NDRG1: variants seen among roughly 807,000 people sequenced by gnomAD.
The protein encoded by NDRG1 is N-myc downstream regulated 1.
In NDRG1, 32 loss-of-function variants were observed where a neutral mutation model predicts 56.9. That is an observed-to-expected ratio of 0.56 (90% CI 0.42 to 0.76). The LOEUF (loss-of-function observed/expected upper bound fraction) is 0.76. NDRG1 is among the 30% of genes least tolerant of loss of function. The pLI is 0.00. For missense variants in NDRG1, 507 were observed against 545.7 expected (o/e 0.93, Z 0.71); for synonymous variants, 211 against 204.1 (o/e 1.03, Z -0.29).
intron 1 of NDRG1, among the ~76,000 whole-genome samples, chr8:133,292,039 T>A (rs1251707113): frequency 6.6e-6 from 1 of 152,038 alleles, no homozygotes; most frequent in Non-Finnish European, 1.5e-5. Flanking sequence ...TCAGTGGAGT[T>A]TTGGCAGCAC....
At chr8:133,250,071 C>T (rs1163522744) in intron 10 of NDRG1, among the ~76,000 whole-genome samples, 1 of 152,238 alleles carries the variant, frequency 6.6e-6, no homozygotes, top group Non-Finnish European at 1.5e-5. Context: ...TGGATTATCC[C>T]CGGCCTCCAG....
At chr8:133,245,896 C>A (rs1308661724) in intron 13 of NDRG1, among the ~76,000 whole-genome samples, 1 of 152,196 alleles carries the variant, frequency 6.6e-6, no homozygotes, top group East Asian at 1.9e-4. Flanking sequence ...GTATCGGACA[C>A]CCCCTACATG....
chr8:133,262,284 C>T, intron 4 of NDRG1, 117 bp from the exon 5 acceptor site: 15 of 1,323,352 alleles, frequency 1.1e-5, no homozygotes, highest in African/African-American at 1.5e-5. Flanking sequence ...AGGAAGTGAA[C>T]TTAGAAGAAC....
At chr8:133,271,006 C>T (rs570229697) in intron 3 of NDRG1, among the ~76,000 whole-genome samples, 1 of 152,272 alleles carries the variant, frequency 6.6e-6, no homozygotes, top group Admixed American at 6.5e-5. Flanking sequence ...TATGGACAAC[C>T]GCTCCAGAGA....
At position 133,237,620 on chromosome 8, in the gene NDRG1, G is replaced by A. The variant is rs1465316025; in HGVS notation, c.*1258C>T. ...GCAGGAAAAGAGGAAGCAGGAGAGG[G>A]AAGGAAAGTCCCATGGAATATGTAT... On this transcript the variant is annotated 3_prime_UTR_variant, in exon 16 of 16. Transcript: ENST00000323851. 4.3e-6 allele frequency: 1 copy of A among 233,086 alleles called. No homozygotes were observed. The highest frequency in any genetic ancestry group is 8.5e-6 in the Non-Finnish European group (1 of 118,022). 14.4% of individuals were successfully genotyped at this position (233,086 alleles called of 1,614,324 possible). A position where few individuals can be genotyped will look rare whatever the true frequency, so the allele number is the denominator to read the frequency against.
In NDRG1 at chr8:133,241,833, C is replaced by T. The variant is rs560533412; in HGVS notation, c.943+190G>A. ...ATTCAACAAAGGAGGAAAAATGAGC[C>T]TCACTGATAAATGAGAGGCTAGATC... On this transcript the variant is annotated intron_variant, in intron 15 of 15. Transcript: ENST00000323851. The T allele has an allele frequency of 2.5e-4, 162 of 660,000 alleles. No individual in the cohort carries two copies. In the African/African-American group the frequency reaches 2.8e-3, roughly 12 times the overall value. 40.9% of individuals were successfully genotyped at this position (660,000 alleles called of 1,614,324 possible).
intron 5 of NDRG1, 193 bp from the exon 6 acceptor site, chr8:133,259,423 C>A: frequency 1.6e-6 from 1 of 639,408 alleles, no homozygotes; most frequent in Non-Finnish European, 2.8e-6. Context: ...GCTTCCTACG[C>A]TCCAGGTCCC....
intron 15 of NDRG1, chr8:133,239,369 C>A (rs1855255440): frequency 6.5e-6 from 4 of 619,016 alleles, no homozygotes; most frequent in Non-Finnish European, 1.1e-5. Flanking sequence ...GGGTCTGAAC[C>A]CCAATTCTGC....
rs74903883 is a variant in NDRG1 at position 133,262,719 on chromosome 8, C to T, written c.206-552G>A. 3.2e-3 allele frequency among the ~76,000 whole-genome samples: 480 copies of T among 152,244 alleles called. 3 individuals are homozygous for T. Among genetic ancestry groups the T allele is most frequent in the African/African-American group, 0.011 (451 of 41,530 alleles). ...TTTTCCTCCTGGGCACTCAGCTAGA[C>T]GGTATATCCCAAGCTCCCTTGCAAT... On this transcript the variant is annotated intron_variant, in intron 4 of 15. Coordinates refer to ENST00000323851, the MANE Select transcript of NDRG1 (RefSeq NM_006096.4).
chr8:133,254,679 C>T, intron 8 of NDRG1, 84 bp from the exon 9 acceptor site: 2 of 1,415,232 alleles, frequency 1.4e-6, no homozygotes, highest in South Asian at 2.4e-5. Context: ...TCCCTGGGTG[C>T]AGGGTGGCAT....
At position 133,258,373 on chromosome 8, in the gene NDRG1, C is replaced by T. The variant is rs376555145; in HGVS notation, c.443G>A (p.Arg148Gln). ...AAATGCCAAAGCACTCACAGCAAATCGAGTTAGGATGTAGGCGCCTGCTCC... is the reference window on the plus strand; with the variant it reads ...AAATGCCAAAGCACTCACAGCAAATTGAGTTAGGATGTAGGCGCCTGCTCC... ...GTGAGAYILTRFALNNPEMVE... is the reference protein window; with the variant it reads ...GTGAGAYILTQFALNNPEMVE... Residue 148 changes from arginine (R) to glutamine (Q), a missense_variant, in exon 7 of 16, where the codon CGA becomes CAA. By Grantham distance (43) the Arg-to-Gln change is conservative. Transcript: ENST00000323851. 5.0e-6 allele frequency: 8 copies of T among 1,611,348 alleles called. No individual in the cohort carries two copies. Among genetic ancestry groups the T allele is most frequent in the Admixed American group, 3.4e-5 (2 of 59,600 alleles).
intron 15 of NDRG1, 105 bp downstream of exon 15, chr8:133,241,918 G>T: frequency 7.5e-7 from 1 of 1,340,192 alleles, no homozygotes; most frequent in Non-Finnish European, 1.1e-6. Flanking sequence ...AGCTGAAGCT[G>T]GCCAGGGGGA....
At chr8:133,281,983 C>T (rs1857833480) in intron 2 of NDRG1, among the ~76,000 whole-genome samples, 1 of 152,130 alleles carries the variant, frequency 6.6e-6, no homozygotes, top group African/African-American at 2.4e-5. Context: ...GGAAGAACTT[C>T]CCAATAGTCA....
intron 1 of NDRG1, among the ~76,000 whole-genome samples, chr8:133,295,388 G>A (rs539325708): frequency 6.6e-6 from 1 of 152,316 alleles, no homozygotes; most frequent in Non-Finnish European, 1.5e-5. Flanking sequence ...CAGGTCAGGG[G>A]AACACCCAGT....
intron 14 of NDRG1, 111 bp downstream of exon 14, chr8:133,244,244 G>C (rs1235955296): frequency 2.2e-6 from 3 of 1,343,940 alleles, no homozygotes; most frequent in Non-Finnish European, 3.2e-6. Context: ...TCCACAAACT[G>C]TCATCCGATG....
At chr8:133,260,953 A>T (rs1316677166) in intron 5 of NDRG1, among the ~76,000 whole-genome samples, 1 of 152,070 alleles carries the variant, frequency 6.6e-6, no homozygotes, top group Non-Finnish European at 1.5e-5. Context: ...ATAATTGCAC[A>T]AGGGGAAATT....
chr8:133,246,660 C>T lies in NDRG1; in HGVS notation c.811G>A (p.Glu271Lys). 6.2e-7 allele frequency: 1 copy of T among 1,614,110 alleles called. No individual in the cohort carries two copies. The highest frequency in any genetic ancestry group is 8.5e-7 in the Non-Finnish European group (1 of 1,179,994). ...GTTGGGTCCAATTTTGAGTTGCACT[C>T]CACCTGCACAAGAGGGAGGAAATCT... ...DSSPAVDAVVECNSKLDPTKT... is the reference protein window; with the variant it reads ...DSSPAVDAVVKCNSKLDPTKT... Residue 271 changes from glutamate to lysine, a missense_variant, in exon 13 of 16, where the codon GAG becomes AAG. Transcript: ENST00000323851.
chr8:133,262,640 C>A (rs576084204), intron 4 of NDRG1, among the ~76,000 whole-genome samples: 5 of 152,310 alleles, frequency 3.3e-5, no homozygotes, highest in African/African-American at 1.2e-4. Flanking sequence ...CTGGATGAGT[C>A]TCCTCACTGC....
At chr8:133,255,089 C>G in intron 8 of NDRG1, 1 of 338,486 alleles carries the variant, frequency 3.0e-6, no homozygotes, top group South Asian at 2.3e-5. Flanking sequence ...CCTACCTCTC[C>G]CCAGTGACTA....
Sources: allele counts gnomAD v4.1 joint callset (sites outside exome capture counted in the v4.1 genomes callset), GRCh38; gene constraint gnomAD v4.1.1; transcripts MANE v1.5; gene names NCBI Gene and HGNC (gene_info 2026-07-23, HGNC 2026-07-21).